TAS2R1: variants seen among roughly 807,000 people sequenced by gnomAD.
The protein encoded by TAS2R1 is taste 2 receptor member 1.
For synonymous variants in TAS2R1, 141 were observed against 134.2 expected, an observed-to-expected ratio of 1.05 and a Z score of -0.35; for missense variants, 370 against 353.4, an observed-to-expected ratio of 1.05 and a Z score of -0.38.
At chr5:9,695,695 A>G (rs1214913820) in intron 1 of TAS2R1, among the ~76,000 whole-genome samples, 3 of 152,102 alleles carry the variant, frequency 2.0e-5, no homozygotes, top group African/African-American at 7.2e-5. Context: ...AAAAGACCAC[A>G]ACCAAACACT....
intron 1 of TAS2R1, among the ~76,000 whole-genome samples, chr5:9,709,905 T>C (rs1741697327): frequency 1.3e-5 from 2 of 152,372 alleles, no homozygotes; most frequent in South Asian, 2.1e-4. Context: ...TATGCAGTGA[T>C]AGATAATGAA....
the TAS2R1 span, among the ~76,000 whole-genome samples, chr5:9,817,963 T>C: frequency 6.6e-6 from 1 of 152,184 alleles, no homozygotes; most frequent in South Asian, 2.1e-4. Context: ...AAAAATAGCA[T>C]GGGAGAAACT....
intron 1 of TAS2R1, among the ~76,000 whole-genome samples, chr5:9,686,673 C>T (rs1741129867): frequency 6.6e-6 from 1 of 152,100 alleles, no homozygotes; most frequent in Non-Finnish European, 1.5e-5. Context: ...AAAGATGTCA[C>T]TATAAAGGGC....
At chr5:9,891,983 C>A in the TAS2R1 span, among the ~76,000 whole-genome samples, 1 of 152,116 alleles carries the variant, frequency 6.6e-6, no homozygotes, top group African/African-American at 2.4e-5. Flanking sequence ...CAAGCCCTCC[C>A]CTCCCTCATA....
the TAS2R1 span, among the ~76,000 whole-genome samples, chr5:9,772,675 G>C: frequency 6.6e-6 from 1 of 152,086 alleles, no homozygotes; most frequent in African/African-American, 2.4e-5. Context: ...ATAGCTGGGT[G>C]TTCCAGTGTT....
the TAS2R1 span, among the ~76,000 whole-genome samples, chr5:9,764,330 C>A: frequency 6.6e-6 from 1 of 152,176 alleles, no homozygotes; most frequent in Non-Finnish European, 1.5e-5. Context: ...TCTATAAAAA[C>A]TTCTAAGAGC....
At chr5:9,882,504 T>C in the TAS2R1 span, among the ~76,000 whole-genome samples, 1 of 152,128 alleles carries the variant, frequency 6.6e-6, no homozygotes. Context: ...CAGGTGCCTG[T>C]AATCCCAGCT....
chr5:9,873,940 AG>A, the TAS2R1 span, among the ~76,000 whole-genome samples: 1 of 129,056 alleles, frequency 7.7e-6, no homozygotes, highest in Non-Finnish European at 1.6e-5. Context: ...AGGGTAGGGG[AG>A]GGGGAGACAG....
the TAS2R1 span, among the ~76,000 whole-genome samples, chr5:9,738,242 A>T: frequency 5.3e-5 from 8 of 152,190 alleles, no homozygotes; most frequent in Admixed American, 5.2e-4. Context: ...CTCAGAGTTT[A>T]TAAGTCCAAG....
At chr5:9,876,809 G>A in the TAS2R1 span, among the ~76,000 whole-genome samples, 19 of 152,218 alleles carry the variant, frequency 1.2e-4, no homozygotes, top group African/African-American at 4.6e-4. Context: ...GAGTGGGAGG[G>A]GACTGCAAGG....
At chr5:9,832,296 G>A in the TAS2R1 span, among the ~76,000 whole-genome samples, 1 of 152,208 alleles carries the variant, frequency 6.6e-6, no homozygotes, top group Non-Finnish European at 1.5e-5. Context: ...GTAAGGTGCA[G>A]AAATGAGGTT....
chr5:9,722,683 T>C, the TAS2R1 span, among the ~76,000 whole-genome samples: 25 of 152,244 alleles, frequency 1.6e-4, no homozygotes, highest in Non-Finnish European at 3.2e-4. Flanking sequence ...CCTGAGCTAT[T>C]TTCTGCATTA....
chr5:9,897,749 T>A, the TAS2R1 span, among the ~76,000 whole-genome samples: 18 of 152,336 alleles, frequency 1.2e-4, no homozygotes, highest in Admixed American at 5.9e-4. Flanking sequence ...TTATTAAGCA[T>A]GATTCTTCTA....
At chr5:9,680,423 G>C (rs1397070325) in intron 1 of TAS2R1, among the ~76,000 whole-genome samples, 1 of 151,878 alleles carries the variant, frequency 6.6e-6, no homozygotes, top group Non-Finnish European at 1.5e-5. Context: ...AGTGTCGAAA[G>C]GAAGAAAAAA....
intron 2 of TAS2R1, among the ~76,000 whole-genome samples, chr5:9,640,520 A>AAAAAAC (rs1263141723): frequency 6.6e-6 from 1 of 151,012 alleles, no homozygotes; most frequent in African/African-American, 2.4e-5. Flanking sequence ...AAAAAAAAAA[A>AAAAAAC]AACAGTACCT....
intron 2 of TAS2R1, among the ~76,000 whole-genome samples, chr5:9,654,944 C>T (rs1240518764): frequency 6.6e-6 from 1 of 152,132 alleles, no homozygotes; most frequent in African/African-American, 2.4e-5. Context: ...CACAAAAAGA[C>T]TGTTATAAAA....
At chr5:9,830,758 C>G in the TAS2R1 span, among the ~76,000 whole-genome samples, 6 of 152,164 alleles carry the variant, frequency 3.9e-5, no homozygotes, top group Non-Finnish European at 8.8e-5. Context: ...CAACCAATAA[C>G]GTACTAACTC....
the TAS2R1 span, among the ~76,000 whole-genome samples, chr5:9,824,298 A>G: frequency 6.6e-6 from 1 of 152,214 alleles, no homozygotes; most frequent in Admixed American, 6.5e-5. Context: ...AGGACCACTC[A>G]TGCTTCTAGT....
At chr5:9,831,340 G>T in the TAS2R1 span, among the ~76,000 whole-genome samples, 1 of 151,990 alleles carries the variant, frequency 6.6e-6, no homozygotes, top group Admixed American at 6.6e-5. Context: ...ACAGGGCTAT[G>T]ACTAGAAGCA....
Sources: gnomAD v4.1 joint callset for allele counts (sites outside exome capture counted in the v4.1 genomes callset) on GRCh38, gnomAD v4.1.1 for gene constraint, MANE v1.5 for transcripts, NCBI Gene and HGNC (gene_info 2026-07-23, HGNC 2026-07-21) for gene names.